The following NRXN3 variants were observed in gnomAD, a reference collection of about 807,000 sequenced individuals.
The protein encoded by NRXN3 is neurexin III.
A neutral mutation model predicts 137.6 loss-of-function variants in NRXN3; 32 were observed. The ratio of observed to expected loss-of-function variants is 0.23; its 90% CI spans 0.18 to 0.31. NRXN3 has a LOEUF of 0.31. Ranked by LOEUF, NRXN3 falls within the 10% of genes least tolerant of loss-of-function variation. NRXN3 has a pLI of 1.00. For missense variants in NRXN3, 1,574 were observed against 2,062.5 expected, an observed-to-expected ratio of 0.76 and a Z score of 4.59; for synonymous variants, 798 against 784.5, an observed-to-expected ratio of 1.02 and a Z score of -0.29.
chr14:78,333,958 T>C (rs555861748), intron 4 of NRXN3, among the ~76,000 whole-genome samples: 1 of 152,204 alleles, frequency 6.6e-6, no homozygotes, highest in Non-Finnish European at 1.5e-5. Flanking sequence ...TGAGAGTGGT[T>C]CTATTCCAGT....
chr14:78,892,175 T>C (rs2099160864), intron 10 of NRXN3, among the ~76,000 whole-genome samples: 1 of 151,974 alleles, frequency 6.6e-6, no homozygotes, highest in South Asian at 2.1e-4. Context: ...TCCAGGGAAC[T>C]CTGATGCACG....
intron 15 of NRXN3, among the ~76,000 whole-genome samples, chr14:79,206,604 C>T (rs1311850178): frequency 6.6e-6 from 1 of 152,170 alleles, no homozygotes; most frequent in Non-Finnish European, 1.5e-5. Flanking sequence ...CTGTTATCAC[C>T]TTTTCTTGTG....
intron 4 of NRXN3, among the ~76,000 whole-genome samples, chr14:78,537,643 G>C (rs1376430995): frequency 6.6e-6 from 1 of 152,152 alleles, no homozygotes; most frequent in Non-Finnish European, 1.5e-5. Flanking sequence ...TTTGGCTTTT[G>C]TTGCCATTGC....
At chr14:78,934,272 T>A (rs1266127976) in intron 10 of NRXN3, among the ~76,000 whole-genome samples, 1 of 152,134 alleles carries the variant, frequency 6.6e-6, no homozygotes, top group Non-Finnish European at 1.5e-5. Context: ...TAAGTCTTAT[T>A]CTTTAAAGGC....
intron 4 of NRXN3, chr14:78,403,664 C>CG (rs1239771314): frequency 3.6e-5 from 35 of 968,834 alleles, no homozygotes; most frequent in Middle Eastern, 5.3e-4. Context: ...TGCAAAATCA[C>CG]GAACACCGAG....
chr14:78,211,489 C>A (rs1210537385), intron 1 of NRXN3, among the ~76,000 whole-genome samples: 1 of 152,228 alleles, frequency 6.6e-6, no homozygotes, highest in Non-Finnish European at 1.5e-5. Flanking sequence ...TGCTCCCCTC[C>A]TGGGCCCTCT....
intron 3 of NRXN3, among the ~76,000 whole-genome samples, chr14:78,286,617 C>T (rs553092013): frequency 1.4e-4 from 22 of 152,190 alleles, no homozygotes; most frequent in South Asian, 2.1e-4. Context: ...CTGACTGTGA[C>T]GATGTAGGGA....
chr14:79,061,277 G>A (rs1008189919), intron 15 of NRXN3, among the ~76,000 whole-genome samples: 12 of 152,180 alleles, frequency 7.9e-5, no homozygotes, highest in African/African-American at 2.7e-4. Context: ...ACAAGCAAAA[G>A]TACTTTTGTA....
intron 15 of NRXN3, among the ~76,000 whole-genome samples, chr14:79,320,329 T>G (rs892213418): frequency 6.6e-6 from 1 of 152,218 alleles, no homozygotes; most frequent in Non-Finnish European, 1.5e-5. Flanking sequence ...TGGACATTTT[T>G]CTACAGTAAG....
chr14:78,255,017 A>G (rs917883920), intron 2 of NRXN3, among the ~76,000 whole-genome samples: 4 of 151,992 alleles, frequency 2.6e-5, no homozygotes, highest in African/African-American at 7.2e-5. Context: ...TCCCAGGGAA[A>G]GGGCTTAGGC....
chr14:79,697,576 G>A lies in NRXN3; in HGVS notation c.3707-54G>A. 3.2e-6 allele frequency: 5 copies of A among 1,565,282 alleles called. No homozygotes were observed. In the South Asian group the frequency reaches 6.0e-5, roughly 19 times the overall value. ...GCCTGGTCCATTCAGACCAGGTAAG[G>A]CAAACAAGGAAAACGTATGAGAATA... is the stretch of plus-strand genomic sequence containing the variant. On this transcript the variant is annotated intron_variant, in intron 18 of 20. Transcript: ENST00000335750.
At chr14:78,787,921 A>G (rs1258283507) in intron 8 of NRXN3, among the ~76,000 whole-genome samples, 3 of 152,038 alleles carry the variant, frequency 2.0e-5, no homozygotes, top group Non-Finnish European at 4.4e-5. Flanking sequence ...CGTCGCCCTT[A>G]TTTCTCTATT....
chr14:79,223,663 A>C (rs575944208), intron 15 of NRXN3, among the ~76,000 whole-genome samples: 1 of 152,284 alleles, frequency 6.6e-6, no homozygotes, highest in East Asian at 1.9e-4. Flanking sequence ...ATGGAAATAA[A>C]TACAGGAAAG....
chr14:78,592,715 G>A (rs540085921), intron 4 of NRXN3, among the ~76,000 whole-genome samples: 2 of 152,114 alleles, frequency 1.3e-5, no homozygotes, highest in African/African-American at 2.4e-5. Flanking sequence ...TGTGTGCAAC[G>A]GGCCCATTGT....
At chr14:79,369,282 A>G (rs2094005676) in intron 15 of NRXN3, among the ~76,000 whole-genome samples, 1 of 152,158 alleles carries the variant, frequency 6.6e-6, no homozygotes, top group South Asian at 2.1e-4. Context: ...AGAGTATTTG[A>G]TGAATTCTTC....
chr14:79,861,104 G>A lies in NRXN3; in HGVS notation c.4094-238G>A, dbSNP rs2099413125. Reference sequence around the variant, plus strand: ...AGCTACCCCTCCTATTGCTACTCGTGCACCTTCCATTACACTCCCCCCTAC... The same window carrying A: ...AGCTACCCCTCCTATTGCTACTCGTACACCTTCCATTACACTCCCCCCTAC... On this transcript the variant is annotated intron_variant, in intron 20 of 20. Transcript: ENST00000335750. The surrounding 1 kb of genome is among the most constrained non-coding windows in gnomAD (Gnocchi z 5.4). The A allele has an allele frequency of 6.9e-7, 1 of 1,457,920 alleles. No homozygotes were observed. The highest frequency in any genetic ancestry group is 9.0e-7 in the Non-Finnish European group (1 of 1,108,774). The allele number at this position is 1,457,920 out of a possible 1,614,324, so 90.3% of individuals were successfully genotyped here.
intron 19 of NRXN3, among the ~76,000 whole-genome samples, chr14:79,759,622 T>TAGTAA (rs796583584): frequency 7.9e-5 from 12 of 151,882 alleles, no homozygotes; most frequent in African/African-American, 2.9e-4. Flanking sequence ...GTCATATTTC[T>TAGTAA]AGTAAAGTAT....
intron 15 of NRXN3, among the ~76,000 whole-genome samples, chr14:79,355,919 T>G (rs2093406305): frequency 6.6e-6 from 1 of 152,122 alleles, no homozygotes; most frequent in South Asian, 2.1e-4. Context: ...GTAGTGTAAA[T>G]AAAAGTATTT....
At chr14:78,596,874 A>G (rs952859613) in intron 4 of NRXN3, among the ~76,000 whole-genome samples, 7 of 152,194 alleles carry the variant, frequency 4.6e-5, no homozygotes, top group African/African-American at 1.7e-4. Flanking sequence ...CACAGTCTAA[A>G]CAGAATAATT....
Sources: allele counts gnomAD v4.1 joint callset (sites outside exome capture counted in the v4.1 genomes callset), GRCh38; gene constraint gnomAD v4.1.1; non-coding constraint Gnocchi (gnomAD v3.1); transcripts MANE v1.5; gene names NCBI Gene and HGNC (gene_info 2026-07-23, HGNC 2026-07-21).